PATJ: variants seen among roughly 807,000 people sequenced by gnomAD.
The protein encoded by PATJ is inaD-like protein.
A neutral mutation model predicts 224.9 loss-of-function variants in PATJ; 190 were observed. The observed-to-expected ratio is 0.84, with a 90% confidence interval of 0.75 to 0.95. PATJ has a LOEUF of 0.95. Among genes scored for constraint, PATJ ranks in the 40% least tolerant of loss-of-function variants. The pLI is 0.00. For missense variants in PATJ, 2,121 were observed against 2,270.3 expected, an observed-to-expected ratio of 0.93 and a Z score of 1.34; for synonymous variants, 769 against 820.3, an observed-to-expected ratio of 0.94 and a Z score of 1.07.
intron 13 of PATJ, among the ~76,000 whole-genome samples, chr1:61,806,109 T>A (rs1420036496): frequency 6.6e-6 from 1 of 152,250 alleles, no homozygotes; most frequent in Non-Finnish European, 1.5e-5. Flanking sequence ...TTTCCCCATA[T>A]GAATCCACAT....
chr1:62,121,087 G>A, intron 37 of PATJ, 94 bp from the exon 38 acceptor site: 1 of 763,316 alleles, frequency 1.3e-6, no homozygotes, highest in Non-Finnish European at 2.2e-6. Context: ...GATGGTTATG[G>A]TGACATCAGT....
chr1:62,054,923 C>T (rs1225222711), intron 31 of PATJ, among the ~76,000 whole-genome samples: 5 of 151,886 alleles, frequency 3.3e-5, no homozygotes, highest in Admixed American at 2.0e-4. Flanking sequence ...GGCATGGTGG[C>T]GGGTGCCTGT....
chr1:62,099,375 T>TTTTTTTTTTTTTC (rs1661850007), intron 33 of PATJ, among the ~76,000 whole-genome samples: 1 of 135,062 alleles, frequency 7.4e-6, no homozygotes, highest in African/African-American at 2.8e-5. Flanking sequence ...TTTTTTTTTT[T>TTTTTTTTTTTTTC]TTGGTCCTCA....
chr1:61,851,250 A>G (rs1297616169), intron 17 of PATJ, among the ~76,000 whole-genome samples: 1 of 152,234 alleles, frequency 6.6e-6, no homozygotes, highest in Non-Finnish European at 1.5e-5. Context: ...TAAAGGAAAT[A>G]TATTATGATA....
At chr1:62,130,050 T>C (rs1275985325) in intron 41 of PATJ, among the ~76,000 whole-genome samples, 1 of 152,006 alleles carries the variant, frequency 6.6e-6, no homozygotes, top group Non-Finnish European at 1.5e-5. Context: ...AATAAGAAGT[T>C]TGGGCTGAGT....
intron 30 of PATJ, among the ~76,000 whole-genome samples, chr1:62,048,352 T>C (rs1652921759): frequency 6.6e-6 from 1 of 151,310 alleles, no homozygotes; most frequent in Non-Finnish European, 1.5e-5. Context: ...TTGAAACCAG[T>C]CTAGCCAACA....
In PATJ at chr1:62,161,019, C is replaced by T; in HGVS notation, c.5614C>T (p.Gln1872Ter). 1 of 1,599,986 alleles carries T rather than the reference C, an allele frequency of 6.3e-7. No individual in the cohort carries two copies. Among genetic ancestry groups the T allele is most frequent in the South Asian group, 1.1e-5 (1 of 88,738 alleles). The change falls in exon 44 of 44, where the codon CAG becomes TAG. Residue 1872 changes from glutamine to a stop codon, truncating the protein, a stop_gained. Coordinates refer to ENST00000642238, the MANE Select transcript of PATJ (RefSeq NM_001350145.3). LOFTEE classifies it high-confidence loss of function. ...GCAAGCAGTCGCCATTCTAAAACAC[C>T]AGAGAGGGACTGTAACCTTAACTGT... ...HEQAVAILKH[Q>*]RGTVTLTVLS
chr1:62,030,391 T>C (rs74079635), intron 29 of PATJ, among the ~76,000 whole-genome samples: 1,749 of 152,282 alleles, frequency 0.011, 37 homozygotes, highest in African/African-American at 0.04. Flanking sequence ...GGGTTTTAAG[T>C]TGTTTTGTAT....
intron 1 of PATJ, among the ~76,000 whole-genome samples, chr1:61,745,438 T>C (rs567559035): frequency 6.6e-6 from 1 of 152,100 alleles, no homozygotes; most frequent in South Asian, 2.1e-4. Context: ...CATACCTGGC[T>C]AATTTTTGTA....
intron 24 of PATJ, 31 bp downstream of exon 24, chr1:61,901,490 G>A: frequency 7.0e-7 from 1 of 1,430,850 alleles, no homozygotes; most frequent in Non-Finnish European, 9.6e-7. Flanking sequence ...GTTTTTATTG[G>A]AAACATACGG....
chr1:62,067,233 TC>T (rs1336029262), intron 31 of PATJ, among the ~76,000 whole-genome samples: 4 of 150,808 alleles, frequency 2.7e-5, no homozygotes, highest in African/African-American at 9.8e-5. Flanking sequence ...TTCAAGCAAT[TC>T]TCCTGCCTCA....
intron 31 of PATJ, among the ~76,000 whole-genome samples, chr1:62,070,179 TG>T (rs1657150573): frequency 6.6e-6 from 1 of 152,240 alleles, no homozygotes; most frequent in Non-Finnish European, 1.5e-5. Context: ...CACTTACTTT[TG>T]CTCCTCCTAA....
At chr1:61,914,927 G>T (rs539177097) in intron 26 of PATJ, among the ~76,000 whole-genome samples, 3 of 152,244 alleles carry the variant, frequency 2.0e-5, no homozygotes, top group African/African-American at 7.2e-5. Flanking sequence ...CAGACAGGCT[G>T]GTTGTTTGTC....
intron 27 of PATJ, among the ~76,000 whole-genome samples, chr1:61,988,786 T>C (rs868574115): frequency 6.6e-6 from 1 of 152,218 alleles, no homozygotes; most frequent in African/African-American, 2.4e-5. Flanking sequence ...GTTTGTTAAG[T>C]CTGGTAAAGT....
intron 20 of PATJ, among the ~76,000 whole-genome samples, chr1:61,869,158 G>C (rs942414832): frequency 6.5e-5 from 9 of 139,438 alleles, no homozygotes; most frequent in South Asian, 2.5e-4. Context: ...CCAGGCTGGA[G>C]TGCAGTGGCG....
At chr1:61,745,999 G>A (rs1272557155) in intron 1 of PATJ, among the ~76,000 whole-genome samples, 1 of 151,970 alleles carries the variant, frequency 6.6e-6, no homozygotes, top group East Asian at 1.9e-4. Flanking sequence ...GTGCAGTGCC[G>A]CGATCTCCAC....
intron 11 of PATJ, among the ~76,000 whole-genome samples, chr1:61,797,787 G>T (rs1238406701): frequency 6.6e-6 from 1 of 151,914 alleles, no homozygotes; most frequent in Non-Finnish European, 1.5e-5. Context: ...TTGACATTTT[G>T]CAGACTTCGG....
chr1:62,134,358 T>C (rs937481605), intron 41 of PATJ, among the ~76,000 whole-genome samples: 5 of 129,594 alleles, frequency 3.9e-5, no homozygotes, highest in African/African-American at 1.5e-4. Context: ...TTCTTTTTAC[T>C]TTTTGAGACT....
At chr1:62,100,264 CAG>C in intron 33 of PATJ, 3 of 658,428 alleles carry the variant, frequency 4.6e-6, no homozygotes, top group South Asian at 1.8e-5. Flanking sequence ...GCTGCTATAA[CAG>C]AATATCTGAG....
Sources: gnomAD v4.1 joint callset for allele counts (sites outside exome capture counted in the v4.1 genomes callset) on GRCh38, gnomAD v4.1.1 for gene constraint, MANE v1.5 for transcripts, NCBI Gene and HGNC (gene_info 2026-07-23, HGNC 2026-07-21) for gene names.